TLN2: variants seen among roughly 807,000 people sequenced by gnomAD.
The protein encoded by TLN2 is talin-2.
TLN2 carries 118 observed loss-of-function variants against 294.7 expected under a neutral mutation model. That is an observed-to-expected ratio of 0.40 (90% CI 0.34 to 0.47). The LOEUF (loss-of-function observed/expected upper bound fraction) is 0.47, where lower values mean the gene tolerates loss of function less well. Ranked by LOEUF, TLN2 falls within the 20% of genes least tolerant of loss-of-function variation. The pLI is 0.84. For missense variants in TLN2, 3,083 were observed against 3,282.2 expected, an observed-to-expected ratio of 0.94 and a Z score of 1.48; for synonymous variants, 1,431 against 1,304.5, an observed-to-expected ratio of 1.10 and a Z score of -2.09.
chr15:62,691,642 T>C (rs747108365), intron 12 of TLN2, among the ~76,000 whole-genome samples: 1 of 152,194 alleles, frequency 6.6e-6, no homozygotes, highest in Non-Finnish European at 1.5e-5. Flanking sequence ...TCGATATGAA[T>C]ATTTATTTTT....
At chr15:62,399,252 C>CAAAA (rs1275645462) in intron 1 of TLN2, among the ~76,000 whole-genome samples, 2 of 2,588 alleles carry the variant, frequency 7.7e-4, no homozygotes, top group Admixed American at 4.3e-3. Flanking sequence ...GACTCCGTCT[C>CAAAA]AAACAAAAAA....
At chr15:62,751,599 A>G (rs2061942462) in intron 34 of TLN2, among the ~76,000 whole-genome samples, 1 of 152,220 alleles carries the variant, frequency 6.6e-6, no homozygotes, top group East Asian at 1.9e-4. Flanking sequence ...CACAGGGTAA[A>G]ACATCCTTCA....
intron 1 of TLN2, among the ~76,000 whole-genome samples, chr15:62,553,957 G>A (rs2042464464): frequency 6.8e-6 from 1 of 147,760 alleles, no homozygotes; most frequent in African/African-American, 2.5e-5. Context: ...TTTTTTGCCA[G>A]TAGCTAGAGC....
intron 1 of TLN2, among the ~76,000 whole-genome samples, chr15:62,544,338 A>G (rs1420799642): frequency 6.6e-6 from 1 of 152,108 alleles, no homozygotes; most frequent in Non-Finnish European, 1.5e-5. Context: ...GGGTTCGCCA[A>G]CACTCGTGGT....
intron 1 of TLN2, among the ~76,000 whole-genome samples, chr15:62,565,198 G>A (rs1241026711): frequency 6.6e-6 from 1 of 152,060 alleles, no homozygotes; most frequent in Non-Finnish European, 1.5e-5. Flanking sequence ...AGCCTGTCTT[G>A]ATTGCTATGG....
chr15:62,660,739 A>G (rs1050764020), intron 9 of TLN2, among the ~76,000 whole-genome samples: 4 of 152,196 alleles, frequency 2.6e-5, no homozygotes, highest in Admixed American at 6.5e-5. Flanking sequence ...TCTTTAACTC[A>G]TTGAGAACTT....
At chr15:62,606,583 C>T (rs1165286884) in intron 2 of TLN2, among the ~76,000 whole-genome samples, 1 of 152,068 alleles carries the variant, frequency 6.6e-6, no homozygotes, top group Non-Finnish European at 1.5e-5. Flanking sequence ...TTGTGCTAAC[C>T]CAAGTATAAG....
At chr15:62,607,096 C>T (rs975547981) in intron 2 of TLN2, among the ~76,000 whole-genome samples, 15 of 152,272 alleles carry the variant, frequency 9.9e-5, no homozygotes, top group South Asian at 6.2e-4. Flanking sequence ...GTAATTTTCT[C>T]GCCCGTGATC....
chr15:62,588,063 G>A (rs1016169692), intron 1 of TLN2, among the ~76,000 whole-genome samples: 4 of 151,996 alleles, frequency 2.6e-5, no homozygotes, highest in Admixed American at 1.3e-4. Flanking sequence ...CGTATTTTTA[G>A]TAGAGACAGG....
At chr15:62,790,532 C>A (rs149128695) in intron 45 of TLN2, among the ~76,000 whole-genome samples, 56 of 152,286 alleles carry the variant, frequency 3.7e-4, no homozygotes, top group African/African-American at 1.3e-3. Flanking sequence ...CTGGTAAGAT[C>A]TTTTTTACCT....
chr15:62,542,536 G>A (rs1202608443), intron 1 of TLN2, among the ~76,000 whole-genome samples: 1 of 152,164 alleles, frequency 6.6e-6, no homozygotes, highest in Non-Finnish European at 1.5e-5. Context: ...AACTGAAACT[G>A]CAGATAACGG....
rs751541535 is a variant in TLN2, at chr15:62,635,661, GTTAC to G, written c.-36-11610_-36-11607del. On this transcript the variant is annotated intron_variant, in intron 3 of 58. Coordinates refer to ENST00000636159, the MANE Select transcript of TLN2 (RefSeq NM_015059.3). ...CCTTCCTTTCCTCTTGTGTTTGCCT[GTTAC>G]TTAACAAGACATAATCTCTATTAAG... is the stretch of plus-strand genomic sequence containing the variant. 1.2e-4 allele frequency among the ~76,000 whole-genome samples: 18 copies of G among 152,202 alleles called. No individual in the cohort carries two copies. In the Middle Eastern group the frequency reaches 0.01, roughly 86 times the overall value.
chr15:62,594,174 A>G lies in TLN2; in HGVS notation c.-162+4412A>G, dbSNP rs565866706. ...GAACAGAATAGAGAGCCCAGAAATA[A>G]ATCCACACAGTTACGGTCAATTGAT... On this transcript the variant is annotated intron_variant, in intron 2 of 58. Transcript: ENST00000636159. Among the ~76,000 whole-genome samples the G allele has an allele frequency of 5.9e-5, 9 of 152,292 alleles. No individual in the cohort carries two copies. The South Asian group carries it at 1.9e-3, about 32-fold the overall frequency.
At chr15:62,762,930 T>C (rs145697263) in intron 39 of TLN2, among the ~76,000 whole-genome samples, 1 of 152,342 alleles carries the variant, frequency 6.6e-6, no homozygotes, top group African/African-American at 2.4e-5. Context: ...TCTGAGCATC[T>C]CTGACCTTGT....
intron 2 of TLN2, among the ~76,000 whole-genome samples, chr15:62,595,739 A>G (rs951625052): frequency 2.0e-5 from 3 of 152,214 alleles, no homozygotes; most frequent in African/African-American, 7.2e-5. Flanking sequence ...CTTCAAGGAA[A>G]TTGTCATTTG....
At chr15:62,747,176 A>G (rs1005047922) in intron 32 of TLN2, among the ~76,000 whole-genome samples, 13 of 152,238 alleles carry the variant, frequency 8.5e-5, no homozygotes, top group Non-Finnish European at 1.6e-4. Context: ...ATTACTTCAG[A>G]CAAATTAAAC....
chr15:62,406,967 A>T (rs921245698), intron 1 of TLN2, among the ~76,000 whole-genome samples: 1 of 152,062 alleles, frequency 6.6e-6, no homozygotes, highest in African/African-American at 2.4e-5. Flanking sequence ...ATTTTTTGGG[A>T]TGGGGGGTAC....
At position 62,441,565 on chromosome 15, in the gene TLN2, A is replaced by C. The variant is rs147629234; in HGVS notation, c.-238+50880A>C. Among the ~76,000 whole-genome samples the C allele has an allele frequency of 2.0e-4, 31 of 152,350 alleles. No individual in the cohort carries two copies. The East Asian group carries it at 5.4e-3, about 27-fold the overall frequency. Reference sequence around the variant, plus strand: ...GTTGGGGCGGGAGGACGTTCCCCACACAAAGCAATTCTCCGGCAGATTCTT... The same window carrying C: ...GTTGGGGCGGGAGGACGTTCCCCACCCAAAGCAATTCTCCGGCAGATTCTT... On this transcript the variant is annotated intron_variant, in intron 1 of 58. Coordinates refer to ENST00000636159, the MANE Select transcript of TLN2 (RefSeq NM_015059.3).
chr15:62,625,025 T>C (rs1056230252), intron 3 of TLN2, among the ~76,000 whole-genome samples: 1 of 152,172 alleles, frequency 6.6e-6, no homozygotes, highest in Non-Finnish European at 1.5e-5. Flanking sequence ...GAAGGGAATA[T>C]TGTTGTGCTT....
Sources: gnomAD v4.1 joint callset for allele counts (sites outside exome capture counted in the v4.1 genomes callset) on GRCh38, gnomAD v4.1.1 for gene constraint, MANE v1.5 for transcripts, NCBI Gene and HGNC (gene_info 2026-07-23, HGNC 2026-07-21) for gene names.